The following CDH20 variants were observed in gnomAD, a reference collection of about 807,000 sequenced individuals.
CDH20 encodes the protein cadherin-20.
A neutral mutation model predicts 74.2 loss-of-function variants in CDH20; 29 were observed. The observed-to-expected ratio is 0.39, with a 90% CI of 0.29 to 0.53. CDH20 has a LOEUF of 0.53. Ranked by LOEUF, CDH20 falls within the 20% of genes least tolerant of loss-of-function variation. The pLI, the probability that CDH20 is intolerant of heterozygous loss-of-function variation, is 0.69. For missense variants in CDH20, 988 were observed against 1,048.3 expected (o/e 0.94, Z 0.79); for synonymous variants, 469 against 405.4 (o/e 1.16, Z -1.88).
chr18:61,381,454 T>G (rs1911429506), intron 1 of CDH20, among the ~76,000 whole-genome samples: 14 of 152,170 alleles, frequency 9.2e-5, no homozygotes, highest in Admixed American at 9.2e-4. Flanking sequence ...TCTTACAAAA[T>G]TCCAAAGTTA....
chr18:61,554,907 A>C lies in CDH20; in HGVS notation c.*212A>C. On this transcript the variant is annotated 3_prime_UTR_variant, in exon 12 of 12. Coordinates refer to ENST00000262717, the MANE Select transcript of CDH20 (RefSeq NM_031891.4). Reference sequence around the variant, plus strand: ...CAGAAGGAAGAGGGCAGAATCTTTAATTACCTTTTTTTCTTTTCTTTTTGA... The same window carrying C: ...CAGAAGGAAGAGGGCAGAATCTTTACTTACCTTTTTTTCTTTTCTTTTTGA... 2 of 1,375,884 alleles carry C rather than the reference A, an allele frequency of 1.5e-6. No homozygotes were observed. Among genetic ancestry groups the C allele is most frequent in the Non-Finnish European group, 9.4e-7 (1 of 1,066,568 alleles). The allele number at this position is 1,375,884 out of a possible 1,614,324, so 85.2% of individuals were successfully genotyped here.
At chr18:61,405,040 T>C in intron 1 of CDH20, 1 of 689,614 alleles carries the variant, frequency 1.5e-6, no homozygotes, top group South Asian at 1.4e-5. Flanking sequence ...TCTGATTTCT[T>C]CAAAGTTGGA....
At position 61,499,458 on chromosome 18, in the gene CDH20, T is replaced by C. The variant is rs774469793; in HGVS notation, c.519T>C (p.Thr173=). ...TCCTGGACGGACCTTATGTGGCCAC[T>C]GTGCCAGAAATGTCCCCTGTGGGTA... ...PKFLDGPYVA[T]VPEMSPVGTS... The change falls in exon 3 of 12, where the codon ACT becomes ACC. Residue 173 remains threonine, a synonymous_variant. Coordinates refer to ENST00000262717, the MANE Select transcript of CDH20 (RefSeq NM_031891.4). 4 of 1,608,828 alleles carry C rather than the reference T, an allele frequency of 2.5e-6. No individual in the cohort carries two copies. The Admixed American group carries it at 6.7e-5, about 27-fold the overall frequency.
At chr18:61,493,239 C>A (rs899422467) in intron 2 of CDH20, among the ~76,000 whole-genome samples, 1 of 152,106 alleles carries the variant, frequency 6.6e-6, no homozygotes, top group East Asian at 1.9e-4. Context: ...CAGTTTCTCT[C>A]GGATGCATCT....
At chr18:61,432,301 C>G (rs189638183) in intron 1 of CDH20, among the ~76,000 whole-genome samples, 4 of 151,476 alleles carry the variant, frequency 2.6e-5, no homozygotes, top group Non-Finnish European at 5.9e-5. Context: ...TACTGTGCCA[C>G]GGCACTGCCC....
At position 61,545,136 on chromosome 18, in the gene CDH20, A is replaced by T. The variant is rs1913195928; in HGVS notation, c.1640A>T (p.Asp547Val). The change falls in exon 10 of 12, where the codon GAC (aspartate) becomes GTC (valine). Residue 547 changes from aspartate (D) to valine (V), a missense_variant. Coordinates refer to ENST00000262717, the MANE Select transcript of CDH20 (RefSeq NM_031891.4). ...AANNPNFTIR[D>V]NQDNTARILT... ...AACAACCCCAACTTTACCATAAGGG[A>T]CAACCAAGGTAATCAGGTGGATGGT... The T allele has an allele frequency of 1.2e-6, 2 of 1,604,626 alleles. No homozygotes were observed. The highest frequency in any genetic ancestry group is 1.7e-5 in the Admixed American group (1 of 60,004).
At chr18:61,411,432 A>G (rs1912498450) in intron 1 of CDH20, among the ~76,000 whole-genome samples, 1 of 152,184 alleles carries the variant, frequency 6.6e-6, no homozygotes, top group African/African-American at 2.4e-5. Flanking sequence ...TGAAGTGGTT[A>G]TATGAAAAAG....
intron 1 of CDH20, among the ~76,000 whole-genome samples, chr18:61,347,118 C>T (rs780504889): frequency 7.9e-5 from 12 of 151,004 alleles, no homozygotes; most frequent in East Asian, 1.9e-4. Flanking sequence ...AAGGGTTAAC[C>T]GAGGAAGTTT....
chr18:61,366,785 G>T (rs1910876763), intron 1 of CDH20, among the ~76,000 whole-genome samples: 1 of 151,916 alleles, frequency 6.6e-6, no homozygotes, highest in African/African-American at 2.4e-5. Flanking sequence ...ATTTCCAACA[G>T]TGAAACAAAG....
At chr18:61,495,501 C>T (rs1321703624) in intron 2 of CDH20, among the ~76,000 whole-genome samples, 2 of 152,200 alleles carry the variant, frequency 1.3e-5, no homozygotes, top group Non-Finnish European at 2.9e-5. Context: ...GTAGAAGGTA[C>T]TAGAGGGAGC....
intron 1 of CDH20, among the ~76,000 whole-genome samples, chr18:61,482,679 G>A (rs1007163381): frequency 6.6e-6 from 1 of 151,832 alleles, no homozygotes; most frequent in East Asian, 1.9e-4. Flanking sequence ...ATTTTAAATA[G>A]AGACGGGGTC....
chr18:61,451,270 C>T (rs1044329013), intron 1 of CDH20, among the ~76,000 whole-genome samples: 7 of 151,712 alleles, frequency 4.6e-5, no homozygotes, highest in African/African-American at 1.5e-4. Flanking sequence ...CAGAAATTTT[C>T]AACTACTTGT....
chr18:61,425,279 C>A (rs564072138), intron 1 of CDH20, among the ~76,000 whole-genome samples: 1 of 152,312 alleles, frequency 6.6e-6, no homozygotes, highest in East Asian at 1.9e-4. Flanking sequence ...TTCTCCAGCA[C>A]AGGAAGATGG....
chr18:61,478,566 G>A (rs1222229482), intron 1 of CDH20, among the ~76,000 whole-genome samples: 1 of 152,116 alleles, frequency 6.6e-6, no homozygotes, highest in Non-Finnish European at 1.5e-5. Context: ...TCAGTAGCTT[G>A]TTTTTGTTTT....
In CDH20 at chr18:61,499,303, C is replaced by T. The variant is rs141080030; in HGVS notation, c.364C>T (p.Leu122Phe). ...TGGAGACATCCACGCCATTCAGAGGCTCGACCGAGAGGAAAGAGCCCAGTA... is the reference window on the plus strand; with the variant it reads ...TGGAGACATCCACGCCATTCAGAGGTTCGACCGAGAGGAAAGAGCCCAGTA... ...TTGDIHAIQR[L>F]DREERAQYTL... is the part of the protein sequence containing the mutation. The change falls in exon 3 of 12, where the codon CTC (leucine) becomes TTC (phenylalanine). Residue 122 changes from leucine (L) to phenylalanine (F), a missense_variant. Physicochemically the swap from Leu to Phe is conservative, Grantham distance 22. Around this residue, in one of 2 missense-constraint regions of CDH20, gnomAD observed 613 missense variants for 755.2 expected, o/e 0.81. Transcript: ENST00000262717. 3 of 1,613,904 alleles carry T rather than the reference C, an allele frequency of 1.9e-6. No homozygotes were observed. The highest frequency in any genetic ancestry group is 2.5e-6 in the Non-Finnish European group (3 of 1,179,976).
intron 1 of CDH20, among the ~76,000 whole-genome samples, chr18:61,444,339 T>A (rs968524514): frequency 3.2e-4 from 49 of 152,162 alleles, no homozygotes; most frequent in Non-Finnish European, 6.5e-4. Flanking sequence ...AACAATTTTT[T>A]AAAAATGTTT....
chr18:61,550,085 A>G lies in CDH20; in HGVS notation c.1756A>G (p.Ser586Gly). ...AGATAGCGGGCAGCCCGTGCTGAGC[A>G]GCACAGGCACACTGACCATCCAAGT... is the stretch of plus-strand genomic sequence containing the variant. ...IADSGQPVLS[S>G]TGTLTIQVCS... Residue 586 changes from serine (S) to glycine (G), a missense_variant, in exon 11 of 12, where the codon AGC becomes GGC. Ser to Gly is a moderately conservative substitution (Grantham distance 56). Transcript: ENST00000262717. 1.2e-6 allele frequency: 2 copies of G among 1,614,254 alleles called. No individual in the cohort carries two copies. Among genetic ancestry groups the G allele is most frequent in the Admixed American group, 1.7e-5 (1 of 60,036 alleles).
intron 1 of CDH20, among the ~76,000 whole-genome samples, chr18:61,419,300 C>G (rs1005951190): frequency 3.9e-5 from 6 of 152,164 alleles, no homozygotes; most frequent in Non-Finnish European, 8.8e-5. Flanking sequence ...CTCTTGGCCT[C>G]AAGCAATCCT....
intron 7 of CDH20, among the ~76,000 whole-genome samples, chr18:61,534,076 A>C (rs1912742416): frequency 6.6e-6 from 1 of 152,212 alleles, no homozygotes; most frequent in African/African-American, 2.4e-5. Context: ...AAATGTGCAA[A>C]ATGCCTAAAC....
Sources: allele counts gnomAD v4.1 joint callset (sites outside exome capture counted in the v4.1 genomes callset), GRCh38; gene constraint gnomAD v4.1.1; regional missense constraint gnomAD v4.1.1; transcripts MANE v1.5; gene names NCBI Gene and HGNC (gene_info 2026-07-23, HGNC 2026-07-21).